TAS2R1: variants seen among roughly 807,000 people sequenced by gnomAD.
TAS2R1 encodes taste receptor type 2 member 1.
For missense variants in TAS2R1, 370 were observed against 353.4 expected (o/e 1.05, Z -0.38); for synonymous variants, 141 against 134.2 (o/e 1.05, Z -0.35).
At chr5:9,903,697 C>T in the TAS2R1 span, 2 of 152,314 alleles carry the variant, frequency 1.3e-5, no homozygotes, top group East Asian at 1.9e-4. Flanking sequence ...GATCCATCTT[C>T]AGGTCTCTCA....
At chr5:9,692,646 T>A (rs1243467794) in intron 1 of TAS2R1, among the ~76,000 whole-genome samples, 1 of 152,220 alleles carries the variant, frequency 6.6e-6, no homozygotes, top group African/African-American at 2.4e-5. Context: ...ATGATGTTCA[T>A]CCTAATATAG....
chr5:9,784,559 G>A, the TAS2R1 span, among the ~76,000 whole-genome samples: 16 of 152,210 alleles, frequency 1.1e-4, no homozygotes, highest in South Asian at 4.1e-4. Flanking sequence ...AGGTCTCATC[G>A]TCAAACCGCC....
chr5:9,858,850 A>C, the TAS2R1 span, among the ~76,000 whole-genome samples: 1 of 152,230 alleles, frequency 6.6e-6, no homozygotes, highest in African/African-American at 2.4e-5. Flanking sequence ...AAAACAAGGG[A>C]AATAATTTGC....
chr5:9,654,992 T>C (rs1488758952), intron 2 of TAS2R1, among the ~76,000 whole-genome samples: 2 of 152,126 alleles, frequency 1.3e-5, no homozygotes, highest in Non-Finnish European at 2.9e-5. Context: ...GCCCAAAATA[T>C]GTAACAACAT....
At chr5:9,724,310 G>A in the TAS2R1 span, among the ~76,000 whole-genome samples, 1 of 148,168 alleles carries the variant, frequency 6.7e-6, no homozygotes, top group Non-Finnish European at 1.5e-5. Flanking sequence ...TCTTTATTTG[G>A]CCTTTTAAAA....
chr5:9,829,700 A>G, the TAS2R1 span, among the ~76,000 whole-genome samples: 1 of 152,188 alleles, frequency 6.6e-6, no homozygotes, highest in Non-Finnish European at 1.5e-5. Context: ...TGGGCCCAGG[A>G]GTGGCAGGGA....
chr5:9,849,363 A>C, the TAS2R1 span, among the ~76,000 whole-genome samples: 1 of 152,254 alleles, frequency 6.6e-6, no homozygotes. Context: ...CTGGAGACCA[A>C]GCATGTTTCC....
the TAS2R1 span, among the ~76,000 whole-genome samples, chr5:9,738,010 C>T: frequency 5.9e-5 from 9 of 152,136 alleles, no homozygotes; most frequent in Non-Finnish European, 1.3e-4. Flanking sequence ...GCAGTGTTAA[C>T]GCAGACCTTT....
the TAS2R1 span, among the ~76,000 whole-genome samples, chr5:9,801,159 C>G: frequency 6.6e-6 from 1 of 152,188 alleles, no homozygotes; most frequent in Non-Finnish European, 1.5e-5. Flanking sequence ...CTATTGCATT[C>G]CAGCCTGGGC....
chr5:9,629,638 C>G lies in TAS2R1; in HGVS notation c.395G>C (p.Gly132Ala), dbSNP rs370406285. The G allele has an allele frequency of 1.1e-5, 18 of 1,613,908 alleles. No individual in the cohort carries two copies. The African/African-American group carries it at 2.3e-4, about 20-fold the overall frequency. Residue 132 changes from glycine to alanine, a missense_variant, in exon 1 of 1, where the codon GGG (glycine) becomes GCG (alanine). Transcript: ENST00000382492. ...ISKLVPWMIL[G>A]SLLYVSMICV... The stretch of plus-strand genomic sequence containing the variant: ...AATCATAGATACATATAGCAGAGAC[C>G]CCAGGATCATCCATGGGACCAGCTT...
chr5:9,863,540 C>G, the TAS2R1 span, among the ~76,000 whole-genome samples: 1 of 152,136 alleles, frequency 6.6e-6, no homozygotes, highest in African/African-American at 2.4e-5. Flanking sequence ...GTTTGGATTA[C>G]GGGCGTGAGC....
intron 1 of TAS2R1, among the ~76,000 whole-genome samples, chr5:9,701,069 G>C (rs955259165): frequency 6.6e-6 from 1 of 152,174 alleles, no homozygotes; most frequent in Non-Finnish European, 1.5e-5. Context: ...CAACACTCCT[G>C]ACACAGGTGA....
At chr5:9,710,896 CAT>C (rs56211334) in intron 1 of TAS2R1, among the ~76,000 whole-genome samples, 3 of 144,100 alleles carry the variant, frequency 2.1e-5, no homozygotes, top group Non-Finnish European at 3.0e-5. Flanking sequence ...CACACACACA[CAT>C]ATATATATAA....
the TAS2R1 span, among the ~76,000 whole-genome samples, chr5:9,788,950 C>T: frequency 2.0e-5 from 3 of 152,108 alleles, no homozygotes; most frequent in Admixed American, 2.0e-4. Flanking sequence ...TATGCAAGGA[C>T]AATGTATGCA....
chr5:9,674,368 C>T (rs536115146), intron 1 of TAS2R1, among the ~76,000 whole-genome samples: 1 of 152,202 alleles, frequency 6.6e-6, no homozygotes, highest in East Asian at 1.9e-4. Flanking sequence ...ATAAGTACAT[C>T]CCACATGGTC....
chr5:9,629,448 C>G lies in TAS2R1; in HGVS notation c.585G>C (p.Leu195Phe). 6.2e-7 allele frequency: 1 copy of G among 1,613,908 alleles called. No individual in the cohort carries two copies. The highest frequency in any genetic ancestry group is 8.5e-7 in the Non-Finnish European group (1 of 1,179,960). The change falls in exon 1 of 1, where the codon TTG (leucine) becomes TTC (phenylalanine). Residue 195 changes from leucine to phenylalanine, a missense_variant. Coordinates refer to ENST00000382492, the MANE Select transcript of TAS2R1 (RefSeq NM_019599.3). Reference sequence around the variant, plus strand: ...GCCTCCCCAGAGAGAAAATCAAGAGCAAAACAGCAAAAAGGAAGATAAGCA... The same window carrying G: ...GCCTCCCCAGAGAGAAAATCAAGAGGAAAACAGCAAAAAGGAAGATAAGCA... ...VPLLIFLFAV[L>F]LLIFSLGRHT... is the part of the protein sequence containing the mutation.
intron 1 of TAS2R1, among the ~76,000 whole-genome samples, chr5:9,703,793 T>C (rs1161310172): frequency 1.3e-5 from 2 of 152,258 alleles, no homozygotes; most frequent in Non-Finnish European, 2.9e-5. Context: ...TTGGAGTGGA[T>C]AAGGAGGCAG....
At chr5:9,650,546 G>C (rs552157119) in intron 2 of TAS2R1, among the ~76,000 whole-genome samples, 2 of 152,274 alleles carry the variant, frequency 1.3e-5, no homozygotes, top group South Asian at 4.2e-4. Context: ...GCACACCAAG[G>C]CCAGGGTGGA....
rs10681888 is a variant in TAS2R1 at position 9,681,531 on chromosome 5, C to CAAAAA, written c.-241-21955_-241-21951dup. 2.0e-3 allele frequency among the ~76,000 whole-genome samples: 174 copies of CAAAAA among 87,828 alleles called. 8 individuals carry two copies. The highest frequency in any genetic ancestry group is 5.4e-3 in the African/African-American group (124 of 23,144). 57.6% of individuals were successfully genotyped at this position (87,828 alleles called of 152,430 possible). Reference sequence around the variant, plus strand: ...TTTCAGGGGACTTCTCATGTTTCTGCAAAAAAAAAAAAAAAAAAAGATGCC... The same window carrying CAAAAA: ...TTTCAGGGGACTTCTCATGTTTCTGCAAAAAAAAAAAAAAAAAAAAAAAAGATGCC... On this transcript the variant is annotated intron_variant, in intron 1 of 2. Coordinates refer to the TAS2R1 transcript ENST00000506620.
Sources: gnomAD v4.1 joint callset for allele counts (sites outside exome capture counted in the v4.1 genomes callset) on GRCh38, gnomAD v4.1.1 for gene constraint, MANE v1.5 for transcripts, NCBI Gene and HGNC (gene_info 2026-07-23, HGNC 2026-07-21) for gene names.